Variants in FAM174A observed in about 807,000 individuals in gnomAD.
FAM174A encodes membrane protein FAM174A.
A neutral mutation model predicts 14.3 loss-of-function variants in FAM174A; 14 were observed. The observed-to-expected ratio is 0.98, with a 90% CI of 0.65 to 1.53. The LOEUF is 1.53. Ranked by LOEUF, FAM174A falls within the 40% of genes most tolerant of loss-of-function variation. FAM174A has a pLI of 0.00. For missense variants in FAM174A, 241 were observed against 249.6 expected (o/e 0.97, Z 0.23); for synonymous variants, 108 against 111.4 (o/e 0.97, Z 0.19).
chr5:100,555,072 TC>T (rs913240512), intron 1 of FAM174A, among the ~76,000 whole-genome samples: 1 of 151,584 alleles, frequency 6.6e-6, no homozygotes, highest in Non-Finnish European at 1.5e-5. Flanking sequence ...ATGCTATCCC[TC>T]CCCCCTACCC....
intron 2 of FAM174A, among the ~76,000 whole-genome samples, chr5:100,570,639 T>G (rs1746759875): frequency 6.6e-6 from 1 of 151,948 alleles, no homozygotes; most frequent in Admixed American, 6.6e-5. Context: ...TTAAATCTGT[T>G]CAGTTACATG....
chr5:100,541,992 G>A (rs1746063445), intron 1 of FAM174A, among the ~76,000 whole-genome samples: 1 of 152,048 alleles, frequency 6.6e-6, no homozygotes, highest in African/African-American at 2.4e-5. Context: ...TCTTCTACAA[G>A]CTAATGTCTG....
In FAM174A at chr5:100,586,262, A is replaced by C; in HGVS notation, c.*78A>C. On this transcript the variant is annotated 3_prime_UTR_variant, in exon 3 of 3. Coordinates refer to ENST00000312637, the MANE Select transcript of FAM174A (RefSeq NM_198507.3). Reference sequence around the variant, plus strand: ...TTCTATGTTTAAGGAATAAGAAGCCACTATATCAATGTTGGGGGGGTATTT... The same window carrying C: ...TTCTATGTTTAAGGAATAAGAAGCCCCTATATCAATGTTGGGGGGGTATTT... 1 of 1,022,088 alleles carries C rather than the reference A, an allele frequency of 9.8e-7. No homozygotes were observed. 63.3% of individuals were successfully genotyped at this position (1,022,088 alleles called of 1,614,324 possible).
intron 2 of FAM174A, among the ~76,000 whole-genome samples, chr5:100,568,189 A>G (rs950820242): frequency 2.0e-5 from 3 of 151,846 alleles, no homozygotes; most frequent in African/African-American, 7.2e-5. Flanking sequence ...TCATTGCTGT[A>G]CTTATTTTAG....
At chr5:100,564,911 C>A (rs953785285) in intron 2 of FAM174A, among the ~76,000 whole-genome samples, 1 of 151,812 alleles carries the variant, frequency 6.6e-6, no homozygotes, top group Non-Finnish European at 1.5e-5. Flanking sequence ...ATGTCCAAGA[C>A]CATATGGCTT....
At chr5:100,539,048 A>C (rs1446850587) in intron 1 of FAM174A, among the ~76,000 whole-genome samples, 3 of 152,158 alleles carry the variant, frequency 2.0e-5, no homozygotes, top group Non-Finnish European at 1.5e-5. Context: ...TATTGGAAGG[A>C]AATCGATGCT....
chr5:100,546,736 A>G (rs1580364340), intron 1 of FAM174A, among the ~76,000 whole-genome samples: 2 of 152,180 alleles, frequency 1.3e-5, no homozygotes, highest in South Asian at 4.1e-4. Flanking sequence ...ACACATTGAT[A>G]CCCATTGCAA....
rs758296662 is a variant in FAM174A, at chr5:100,550,724, T to C, written c.435-11330T>C. Reference sequence around the variant, plus strand: ...CAATAGTAGAGGTTTGTGACCTAGTTAGGTAGAACAGAAAAGGGTTTCCTG... The same window carrying C: ...CAATAGTAGAGGTTTGTGACCTAGTCAGGTAGAACAGAAAAGGGTTTCCTG... On this transcript the variant is annotated intron_variant, in intron 1 of 2. Coordinates refer to ENST00000312637, the MANE Select transcript of FAM174A (RefSeq NM_198507.3). Among the ~76,000 whole-genome samples, 100 of 152,278 alleles carry C rather than the reference T, an allele frequency of 6.6e-4. 1 individual carries two copies. The highest frequency in any genetic ancestry group is 6.8e-3 in the Middle Eastern group (2 of 294).
intron 1 of FAM174A, among the ~76,000 whole-genome samples, chr5:100,542,834 TTATA>T (rs112675245): frequency 6.6e-6 from 1 of 150,712 alleles, no homozygotes; most frequent in Non-Finnish European, 1.5e-5. Context: ...CTTATTATAT[TTATA>T]TATATATATG....
At chr5:100,536,704 G>A (rs1158126926) in intron 1 of FAM174A, among the ~76,000 whole-genome samples, 2 of 152,018 alleles carry the variant, frequency 1.3e-5, no homozygotes, top group Admixed American at 1.3e-4. Context: ...AAGTGTAGAG[G>A]GTAGGTTTGC....
chr5:100,554,547 T>G (rs1164086931), intron 1 of FAM174A, among the ~76,000 whole-genome samples: 3 of 152,000 alleles, frequency 2.0e-5, no homozygotes, highest in Non-Finnish European at 2.9e-5. Context: ...AAACTCCTGA[T>G]GATCTGCCCG....
In FAM174A at chr5:100,565,827, G is replaced by A. The variant is rs146263269; in HGVS notation, c.569+3639G>A. On this transcript the variant is annotated intron_variant, in intron 2 of 2. Transcript: ENST00000312637. ...ATTTATAAAGAAAAAGAGGTTTAAT[G>A]GACTCACAATTCTGCATGGCTAGGG... Among the ~76,000 whole-genome samples the A allele has an allele frequency of 6.5e-3, 991 of 151,714 alleles. 15 individuals are homozygous for A. Among genetic ancestry groups the A allele is most frequent in the African/African-American group, 0.022 (910 of 41,424 alleles).
intron 1 of FAM174A, among the ~76,000 whole-genome samples, chr5:100,555,376 T>C (rs956580734): frequency 3.3e-5 from 5 of 152,224 alleles, no homozygotes; most frequent in Middle Eastern, 3.4e-3. Context: ...GTGAATAGTG[T>C]CGCAATAAAC....
Position 100,535,760 on chromosome 5 carries a change from G to C in FAM174A, c.230G>C (p.Arg77Pro). ...GRGLAEAAGP[R>P]GSEGGNGSNP... ...GGTCTGGCTGAAGCTGCGGGGCCGC[G>C]GGGCTCCGAGGGAGGCAATGGCAGC... The change falls in exon 1 of 3, where the codon CGG becomes CCG. Residue 77 changes from arginine to proline, a missense_variant. Arg to Pro is a moderately radical substitution (Grantham distance 103). Coordinates refer to ENST00000312637, the MANE Select transcript of FAM174A (RefSeq NM_198507.3). 1 of 1,603,888 alleles carries C rather than the reference G, an allele frequency of 6.2e-7. No homozygotes were observed. The highest frequency in any genetic ancestry group is 8.5e-7 in the Non-Finnish European group (1 of 1,177,582).
At chr5:100,538,496 A>G (rs1299522792) in intron 1 of FAM174A, among the ~76,000 whole-genome samples, 3 of 152,096 alleles carry the variant, frequency 2.0e-5, no homozygotes, top group Non-Finnish European at 2.9e-5. Flanking sequence ...TTCTCACTGT[A>G]GAAATACAAA....
chr5:100,551,255 G>A (rs1746256615), intron 1 of FAM174A, among the ~76,000 whole-genome samples: 2 of 152,136 alleles, frequency 1.3e-5, no homozygotes, highest in Admixed American at 1.3e-4. Flanking sequence ...AACATGCTAC[G>A]GGAAGCAAAG....
intron 2 of FAM174A, among the ~76,000 whole-genome samples, chr5:100,569,984 A>G (rs1281951779): frequency 6.6e-6 from 1 of 152,044 alleles, no homozygotes; most frequent in South Asian, 2.1e-4. Flanking sequence ...AGCAATAAGG[A>G]TGGATATTTC....
intron 1 of FAM174A, among the ~76,000 whole-genome samples, chr5:100,556,815 T>C (rs1179713422): frequency 1.3e-5 from 2 of 152,222 alleles, no homozygotes; most frequent in Non-Finnish European, 2.9e-5. Context: ...TTTGCTGAAG[T>C]TGCCTATCAG....
At chr5:100,552,311 T>G (rs1028178249) in intron 1 of FAM174A, among the ~76,000 whole-genome samples, 3 of 152,170 alleles carry the variant, frequency 2.0e-5, no homozygotes, top group African/African-American at 7.2e-5. Flanking sequence ...GAAAAAAATT[T>G]TATTTTAGTT....
Sources: allele counts gnomAD v4.1 joint callset (sites outside exome capture counted in the v4.1 genomes callset), GRCh38; gene constraint gnomAD v4.1.1; transcripts MANE v1.5; gene names NCBI Gene and HGNC (gene_info 2026-07-23, HGNC 2026-07-21).